MPPED2: variants seen among roughly 807,000 people sequenced by gnomAD.
MPPED2 encodes metallophosphoesterase domain containing 2.
In MPPED2, 5 loss-of-function variants were observed where a neutral mutation model predicts 33.0. That is an observed-to-expected ratio of 0.15 (90% CI 0.08 to 0.32). The LOEUF (loss-of-function observed/expected upper bound fraction) is 0.32. Ranked by LOEUF, MPPED2 falls within the 10% of genes least tolerant of loss-of-function variation. The pLI, the probability that MPPED2 is intolerant of heterozygous loss-of-function variation, is 1.00. For missense variants in MPPED2, 275 were observed against 372.1 expected (o/e 0.74, Z 2.15); for synonymous variants, 136 against 141.9 (o/e 0.96, Z 0.29).
At chr11:30,390,477 C>G (rs1249178892) in intron 6 of MPPED2, among the ~76,000 whole-genome samples, 1 of 152,312 alleles carries the variant, frequency 6.6e-6, no homozygotes, top group Non-Finnish European at 1.5e-5. Context: ...GCCCTGAAAC[C>G]ATCCTTTGGT....
chr11:30,539,506 T>G (rs1002775677), intron 2 of MPPED2, among the ~76,000 whole-genome samples: 1 of 152,184 alleles, frequency 6.6e-6, no homozygotes, highest in African/African-American at 2.4e-5. Context: ...AAAGCAGGAC[T>G]AAACCTTATG....
intron 6 of MPPED2, among the ~76,000 whole-genome samples, chr11:30,400,432 G>A (rs1947894269): frequency 6.6e-6 from 1 of 152,146 alleles, no homozygotes; most frequent in African/African-American, 2.4e-5. Flanking sequence ...CCCTAAAACT[G>A]TAGGAAAGTC....
chr11:30,502,738 G>T (rs1952627324), intron 3 of MPPED2, among the ~76,000 whole-genome samples: 1 of 152,168 alleles, frequency 6.6e-6, no homozygotes. Context: ...GAAGATAATA[G>T]AGAACAATGA....
At chr11:30,423,962 C>T (rs1361601095) in intron 4 of MPPED2, among the ~76,000 whole-genome samples, 1 of 152,172 alleles carries the variant, frequency 6.6e-6, no homozygotes, top group Admixed American at 6.5e-5. Flanking sequence ...GCCTGATTTC[C>T]TCTGGCTGAT....
chr11:30,448,579 G>A (rs1302299997), intron 4 of MPPED2, among the ~76,000 whole-genome samples: 1 of 152,180 alleles, frequency 6.6e-6, no homozygotes, highest in African/African-American at 2.4e-5. Context: ...ACAAGGAAAT[G>A]GGCTTTTTAT....
At chr11:30,463,246 T>C (rs1314057112) in intron 4 of MPPED2, among the ~76,000 whole-genome samples, 3 of 152,196 alleles carry the variant, frequency 2.0e-5, no homozygotes, top group Non-Finnish European at 4.4e-5. Flanking sequence ...ATGATTGTAA[T>C]TGTGTAAAGA....
intron 2 of MPPED2, among the ~76,000 whole-genome samples, chr11:30,537,694 T>C (rs970891798): frequency 2.6e-5 from 4 of 152,220 alleles, no homozygotes; most frequent in Admixed American, 6.6e-5. Context: ...GAGGAAGGAA[T>C]TGTGAACTGG....
At chr11:30,518,114 A>G (rs149036812) in intron 3 of MPPED2, among the ~76,000 whole-genome samples, 97 of 152,336 alleles carry the variant, frequency 6.4e-4, no homozygotes, top group African/African-American at 2.2e-3. Flanking sequence ...TATGAGCCAC[A>G]GAACAGCTAC....
intron 4 of MPPED2, among the ~76,000 whole-genome samples, chr11:30,463,484 T>G (rs1236887040): frequency 6.6e-6 from 1 of 152,138 alleles, no homozygotes; most frequent in African/African-American, 2.4e-5. Flanking sequence ...CCCTGGAGGT[T>G]GGTGCAGGCA....
At chr11:30,549,069 G>A (rs1360450399) in intron 2 of MPPED2, among the ~76,000 whole-genome samples, 1 of 152,148 alleles carries the variant, frequency 6.6e-6, no homozygotes, top group Non-Finnish European at 1.5e-5. Context: ...AAAAATATGA[G>A]TTCAAAGTAC....
At chr11:30,502,849 A>G (rs952686) in intron 3 of MPPED2, among the ~76,000 whole-genome samples, 8,274 of 152,226 alleles carry the variant, frequency 0.054, 742 homozygotes, top group African/African-American at 0.19. Flanking sequence ...CTCTCCCTCA[A>G]TACAAGTTAA....
At chr11:30,549,936 C>CA (rs1955619041) in intron 2 of MPPED2, among the ~76,000 whole-genome samples, 1 of 152,094 alleles carries the variant, frequency 6.6e-6, no homozygotes, top group African/African-American at 2.4e-5. Flanking sequence ...GAGGGGTGGC[C>CA]AAGGGGGCAT....
chr11:30,475,218 G>C (rs146473043), intron 4 of MPPED2, among the ~76,000 whole-genome samples: 1 of 151,718 alleles, frequency 6.6e-6, no homozygotes, highest in African/African-American at 2.4e-5. Context: ...AAATCATATC[G>C]AATAAATGTT....
At chr11:30,420,308 C>A (rs527369995) in intron 4 of MPPED2, among the ~76,000 whole-genome samples, 2 of 152,250 alleles carry the variant, frequency 1.3e-5, no homozygotes, top group Admixed American at 6.5e-5. Context: ...TAGGAGGCAA[C>A]AAACGTGGGC....
downstream of MPPED2, among the ~76,000 whole-genome samples, chr11:30,405,666 C>T (rs1474022768): frequency 1.3e-5 from 2 of 152,198 alleles, no homozygotes; most frequent in Non-Finnish European, 2.9e-5. Context: ...TGTATGGTTT[C>T]TTACACAGTC....
rs1008136162 is a variant in MPPED2 at position 30,544,276 on chromosome 11, T to G, written c.129-8101A>C. On this transcript the variant is annotated intron_variant, in intron 2 of 6. Transcript: ENST00000358117. ...GTCCAGGGTTAAACGTTTCCCTCCC[T>G]TCTAACATGGCAATCACGTTAATCA... Among the ~76,000 whole-genome samples the G allele has an allele frequency of 2.6e-5, 4 of 152,308 alleles. No individual in the cohort carries two copies. In the South Asian group the frequency reaches 8.3e-4, roughly 32 times the overall value.
At chr11:30,497,936 T>C (rs935480263) in intron 3 of MPPED2, among the ~76,000 whole-genome samples, 1 of 152,210 alleles carries the variant, frequency 6.6e-6, no homozygotes, top group Non-Finnish European at 1.5e-5. Context: ...ACCGATGTTA[T>C]GAGATTGTCT....
chr11:30,523,385 A>C (rs939121815), intron 3 of MPPED2, among the ~76,000 whole-genome samples: 1 of 152,202 alleles, frequency 6.6e-6, no homozygotes, highest in Non-Finnish European at 1.5e-5. Context: ...ACGTTGGTAT[A>C]AGGATGACTA....
chr11:30,457,146 C>A (rs1197784767), intron 4 of MPPED2, among the ~76,000 whole-genome samples: 1 of 152,058 alleles, frequency 6.6e-6, no homozygotes, highest in African/African-American at 2.4e-5. Flanking sequence ...TTATGGAGTA[C>A]AGCAACATGC....
Sources: gnomAD v4.1 joint callset for allele counts (sites outside exome capture counted in the v4.1 genomes callset) on GRCh38, gnomAD v4.1.1 for gene constraint, MANE v1.5 for transcripts, NCBI Gene and HGNC (gene_info 2026-07-23, HGNC 2026-07-21) for gene names.